Variants in TENM2 observed in about 807,000 individuals in gnomAD.
TENM2 encodes the protein teneurin transmembrane protein 2.
TENM2 carries 52 observed loss-of-function variants against 245.2 expected under a neutral mutation model. That is an observed-to-expected ratio of 0.21 (90% CI 0.17 to 0.27). The LOEUF (loss-of-function observed/expected upper bound fraction) is 0.27, where lower values mean the gene tolerates loss of function less well. TENM2 is among the 10% of genes least tolerant of loss of function. The pLI, the probability that TENM2 is intolerant of heterozygous loss-of-function variation, is 1.00. For missense variants in TENM2, 3,046 were observed against 3,666.8 expected (o/e 0.83, Z 4.37); for synonymous variants, 1,363 against 1,438.9 (o/e 0.95, Z 1.19).
chr5:167,003,406 A>G, the TENM2 span, among the ~76,000 whole-genome samples: 3 of 152,178 alleles, frequency 2.0e-5, no homozygotes, highest in Non-Finnish European at 2.9e-5. Flanking sequence ...CATTTTCATT[A>G]TGCAAATGAT....
the TENM2 span, among the ~76,000 whole-genome samples, chr5:166,981,602 G>A: frequency 6.6e-6 from 1 of 152,092 alleles, no homozygotes; most frequent in Admixed American, 6.5e-5. Context: ...CAGGCTAAGG[G>A]CTTATTTTGC....
At chr5:167,701,132 A>G (rs993895568) in intron 2 of TENM2, among the ~76,000 whole-genome samples, 1 of 152,200 alleles carries the variant, frequency 6.6e-6, no homozygotes, top group African/African-American at 2.4e-5. Flanking sequence ...AACAGCTGCT[A>G]GAAAAATGTA....
chr5:167,492,463 A>G (rs970894161), intron 2 of TENM2, among the ~76,000 whole-genome samples: 8 of 152,178 alleles, frequency 5.3e-5, no homozygotes, highest in Non-Finnish European at 7.4e-5. Context: ...CGAAGAATCA[A>G]TGGATGTTAG....
At chr5:168,231,992 A>C (rs1764965867) in intron 25 of TENM2, among the ~76,000 whole-genome samples, 1 of 151,878 alleles carries the variant, frequency 6.6e-6, no homozygotes, top group Admixed American at 6.6e-5. Flanking sequence ...GCTTGAGCAC[A>C]GGAGTTTGAG....
At chr5:168,048,861 A>C (rs1030519321) in intron 6 of TENM2, among the ~76,000 whole-genome samples, 1 of 152,236 alleles carries the variant, frequency 6.6e-6, no homozygotes, top group African/African-American at 2.4e-5. Context: ...GTAAGCATGA[A>C]AAAGTTTTAT....
At chr5:168,185,454 TCATCATCATCATCAA>T (rs1428168233) in intron 13 of TENM2, among the ~76,000 whole-genome samples, 3 of 152,076 alleles carry the variant, frequency 2.0e-5, no homozygotes, top group South Asian at 2.1e-4. Flanking sequence ...ACCATCGTGA[TCATCATCATCATCAA>T]CATCATCATC....
chr5:167,442,995 T>A (rs1481199588), intron 2 of TENM2, among the ~76,000 whole-genome samples: 2 of 152,178 alleles, frequency 1.3e-5, no homozygotes, highest in East Asian at 3.8e-4. Flanking sequence ...TTAAACATTA[T>A]CCTTTCTGGG....
At chr5:168,055,787 C>A (rs1479962744) in intron 6 of TENM2, among the ~76,000 whole-genome samples, 1 of 152,132 alleles carries the variant, frequency 6.6e-6, no homozygotes, top group East Asian at 1.9e-4. Context: ...TGCAGAAGCA[C>A]CCCAAAATAC....
intron 2 of TENM2, among the ~76,000 whole-genome samples, chr5:167,437,403 A>G (rs1369271421): frequency 6.6e-6 from 1 of 152,194 alleles, no homozygotes; most frequent in Non-Finnish European, 1.5e-5. Flanking sequence ...CATTGTATCT[A>G]AGAAGTAACT....
At chr5:167,608,554 G>C (rs951074948) in intron 2 of TENM2, among the ~76,000 whole-genome samples, 6 of 152,134 alleles carry the variant, frequency 3.9e-5, no homozygotes, top group Non-Finnish European at 7.4e-5. Flanking sequence ...TTAAATCGGG[G>C]GGCACTTTCG....
In TENM2 at chr5:167,846,837, G is replaced by A. The variant is rs933270273; in HGVS notation, c.503-29149G>A. 2.0e-5 allele frequency among the ~76,000 whole-genome samples: 3 copies of A among 152,274 alleles called. No homozygotes were observed. The South Asian group carries it at 6.2e-4, about 32-fold the overall frequency. ...TCTACCTCCTCTGAAAGAAGGTTGT[G>A]TGAATTGAAACTGCAGAATCATATT... is the stretch of plus-strand genomic sequence containing the variant. On this transcript the variant is annotated intron_variant, in intron 2 of 28. Transcript: ENST00000518659.
intron 2 of TENM2, among the ~76,000 whole-genome samples, chr5:167,580,058 T>C (rs1347663243): frequency 6.6e-6 from 1 of 152,202 alleles, no homozygotes; most frequent in African/African-American, 2.4e-5. Context: ...AAATTTCTCT[T>C]AACTGGACAG....
intron 9 of TENM2, among the ~76,000 whole-genome samples, chr5:168,115,432 AAAAAAG>A (rs200163962): frequency 0.014 from 1,851 of 130,478 alleles, 54 homozygotes; most frequent in African/African-American, 0.052. Context: ...AGGAAAGAAA[AAAAAAG>A]AAAAAAATTT....
At chr5:167,815,979 T>TGG (rs1242504662) in intron 2 of TENM2, among the ~76,000 whole-genome samples, 2 of 115,096 alleles carry the variant, frequency 1.7e-5, no homozygotes, top group Admixed American at 9.5e-5. Context: ...CCTTTGTGTG[T>TGG]GTGTGTGTGT....
At position 167,745,271 on chromosome 5, in the gene TENM2, C is replaced by G. The variant is rs1478591543; in HGVS notation, c.503-130715C>G. On this transcript the variant is annotated intron_variant, in intron 2 of 28. Transcript: ENST00000518659. ...CGCATTTCTGCGGACATTGGCTGCT[C>G]CAACCATCCTCTATAATTCTGGCTT... Among the ~76,000 whole-genome samples, 4 of 152,172 alleles carry G rather than the reference C, an allele frequency of 2.6e-5. No homozygotes were observed. The East Asian group carries it at 7.7e-4, about 29-fold the overall frequency.
intron 17 of TENM2, among the ~76,000 whole-genome samples, chr5:168,201,303 C>T (rs998171876): frequency 6.6e-6 from 1 of 151,436 alleles, no homozygotes; most frequent in Non-Finnish European, 1.5e-5. Flanking sequence ...TATATATATA[C>T]ACACATACAT....
At chr5:167,210,912 A>G in the TENM2 span, among the ~76,000 whole-genome samples, 17 of 152,172 alleles carry the variant, frequency 1.1e-4, no homozygotes. Context: ...ATAAATGAGA[A>G]TGTATTATCT....
intron 12 of TENM2, chr5:168,129,956 G>C (rs1324781219): frequency 6.6e-6 from 1 of 152,238 alleles, no homozygotes; most frequent in Non-Finnish European, 1.5e-5. Flanking sequence ...AGAATTGTGG[G>C]AGTTAGTGTT....
At chr5:167,576,212 A>G (rs948249712) in intron 2 of TENM2, among the ~76,000 whole-genome samples, 18 of 152,244 alleles carry the variant, frequency 1.2e-4, no homozygotes, top group Non-Finnish European at 1.8e-4. Context: ...ATTGTAGTTC[A>G]GCATGTACTT....
Sources: gnomAD v4.1 joint callset for allele counts (sites outside exome capture counted in the v4.1 genomes callset) on GRCh38, gnomAD v4.1.1 for gene constraint, MANE v1.5 for transcripts, NCBI Gene and HGNC (gene_info 2026-07-23, HGNC 2026-07-21) for gene names.